EFEMP1: variants seen among roughly 807,000 people sequenced by gnomAD.
EFEMP1 encodes the protein EGF-like fibulin extracellular matrix protein 1.
In EFEMP1, 18 loss-of-function variants were observed where a neutral mutation model predicts 65.7. That is an observed-to-expected ratio of 0.27 (90% CI 0.19 to 0.41). EFEMP1 has a LOEUF of 0.41. Among genes scored for constraint, EFEMP1 ranks in the 10% least tolerant of loss-of-function variants. EFEMP1 has a pLI of 1.00. For synonymous variants in EFEMP1, 237 were observed against 219.7 expected (o/e 1.08, Z -0.70); for missense variants, 469 against 624.8 (o/e 0.75, Z 2.66).
At chr2:55,909,938 G>A (rs1670420163) in intron 5 of EFEMP1, among the ~76,000 whole-genome samples, 1 of 152,078 alleles carries the variant, frequency 6.6e-6, no homozygotes. Flanking sequence ...TCTCAAATTT[G>A]ACTGAATTCA....
chr2:55,880,224 C>T (rs1234485777), intron 6 of EFEMP1, among the ~76,000 whole-genome samples: 1 of 152,110 alleles, frequency 6.6e-6, no homozygotes, highest in Non-Finnish European at 1.5e-5. Context: ...AGACTTGATT[C>T]TCTCAGTGAG....
At chr2:55,896,187 A>G (rs978785504) in intron 5 of EFEMP1, among the ~76,000 whole-genome samples, 12 of 152,248 alleles carry the variant, frequency 7.9e-5, no homozygotes, top group African/African-American at 2.9e-4. Flanking sequence ...TCAGATAAAT[A>G]ACATTTGACG....
intron 5 of EFEMP1, among the ~76,000 whole-genome samples, chr2:55,888,574 T>C (rs1467349612): frequency 2.6e-5 from 4 of 152,024 alleles, no homozygotes; most frequent in Non-Finnish European, 4.4e-5. Context: ...CCTGACCTTG[T>C]GATTCACCCA....
intron 3 of EFEMP1, among the ~76,000 whole-genome samples, chr2:55,920,531 A>C (rs965723785): frequency 2.0e-5 from 3 of 152,262 alleles, no homozygotes; most frequent in African/African-American, 7.2e-5. Flanking sequence ...TATTATGTGG[A>C]TACGAGCCCA....
intron 3 of EFEMP1, among the ~76,000 whole-genome samples, chr2:55,920,975 T>C (rs766115607): frequency 5.3e-4 from 81 of 152,240 alleles, no homozygotes; most frequent in Non-Finnish European, 1.0e-3. Context: ...CCCTAGTTAG[T>C]GGTCTTAAAA....
intron 5 of EFEMP1, among the ~76,000 whole-genome samples, chr2:55,899,575 A>G (rs1469715145): frequency 3.9e-5 from 6 of 152,216 alleles, no homozygotes; most frequent in Non-Finnish European, 5.9e-5. Context: ...CATTATTTAA[A>G]TTATCCTTTA....
chr2:55,900,974 T>G (rs1171728662), intron 5 of EFEMP1, among the ~76,000 whole-genome samples: 1 of 152,220 alleles, frequency 6.6e-6, no homozygotes, highest in African/African-American at 2.4e-5. Context: ...GTTTTAACTC[T>G]TAAACAACCT....
At position 55,870,627 on chromosome 2, in the gene EFEMP1, C is replaced by G; in HGVS notation, c.1320+93G>C. On this transcript the variant is annotated intron_variant, in intron 11 of 11. Transcript: ENST00000355426. This position sits in a 1 kb window ranked among gnomAD's most constrained non-coding sequence, Gnocchi z 5.8. ...GACACTTTAAATGTTTGCTTTCCTT[C>G]CACATGTGGATACCACACAACAACA... 6.7e-7 allele frequency: 1 copy of G among 1,501,314 alleles called. No individual in the cohort carries two copies. The highest frequency in any genetic ancestry group is 9.2e-7 in the Non-Finnish European group (1 of 1,085,224). The allele number at this position is 1,501,314 out of a possible 1,614,324, so 93.0% of individuals were successfully genotyped here.
chr2:55,869,570 G>C (rs1172677418), intron 11 of EFEMP1, among the ~76,000 whole-genome samples: 1 of 152,056 alleles, frequency 6.6e-6, no homozygotes, highest in African/African-American at 2.4e-5. Flanking sequence ...ACATAACTCT[G>C]GAGCTATATG....
intron 6 of EFEMP1, among the ~76,000 whole-genome samples, chr2:55,880,598 C>A (rs373243284): frequency 9.7e-4 from 148 of 152,318 alleles, no homozygotes; most frequent in African/African-American, 3.5e-3. Flanking sequence ...TGAACATCAA[C>A]AGCTCACATT....
rs1558462978 is a variant in EFEMP1 at position 55,877,754 on chromosome 2, G to T, written c.752C>A (p.Thr251Asn). Residue 251 changes from threonine to asparagine, a missense_variant, in exon 7 of 12, where the codon ACC (threonine) becomes AAC (asparagine). By Grantham distance (65) the Thr-to-Asn change is moderately conservative (BLOSUM62 0). Coordinates refer to ENST00000355426, the MANE Select transcript of EFEMP1 (RefSeq NM_001039348.3). This position sits in a 1 kb window ranked among gnomAD's most constrained non-coding sequence, Gnocchi z 4.5. The stretch of plus-strand genomic sequence containing the variant: ...GTTCTCAAAAGGCTTACCTACGCAG[G>T]TATAGTTGTTTGCTGCCAATTGAAA... ...PGFQLAANNY[T>N]CVDINECDAS... 6.2e-7 allele frequency: 1 copy of T among 1,613,058 alleles called. No individual in the cohort carries two copies. Among genetic ancestry groups the T allele is most frequent in the Non-Finnish European group, 8.5e-7 (1 of 1,179,270 alleles).
chr2:55,916,200 C>T (rs1046730280), intron 5 of EFEMP1, among the ~76,000 whole-genome samples: 1 of 151,108 alleles, frequency 6.6e-6, no homozygotes, highest in Non-Finnish European at 1.5e-5. Flanking sequence ...ACCTTCACCT[C>T]CCAGGTTCAA....
chr2:55,916,223 C>T (rs1346315096), intron 5 of EFEMP1, among the ~76,000 whole-genome samples: 1 of 151,542 alleles, frequency 6.6e-6, no homozygotes, highest in Non-Finnish European at 1.5e-5. Context: ...AATTCTCCTG[C>T]TTCAGCCTCT....
intron 5 of EFEMP1, among the ~76,000 whole-genome samples, chr2:55,913,026 A>C (rs1280387087): frequency 6.6e-6 from 1 of 152,202 alleles, no homozygotes; most frequent in Non-Finnish European, 1.5e-5. Flanking sequence ...GCAAAGAAAG[A>C]CTCTGTCCAA....
At chr2:55,898,296 C>G (rs1254195899) in intron 5 of EFEMP1, among the ~76,000 whole-genome samples, 1 of 152,144 alleles carries the variant, frequency 6.6e-6, no homozygotes, top group East Asian at 1.9e-4. Context: ...ATATTAGAAA[C>G]AAACTGTTCA....
chr2:55,906,020 C>G (rs1338173179), intron 5 of EFEMP1, among the ~76,000 whole-genome samples: 1 of 152,080 alleles, frequency 6.6e-6, no homozygotes, highest in Admixed American at 6.5e-5. Flanking sequence ...AATAGTTTTG[C>G]TATTTAACAT....
intron 9 of EFEMP1, 51 bp downstream of exon 9, chr2:55,874,895 C>G (rs763424980): frequency 6.4e-7 from 1 of 1,558,672 alleles, no homozygotes; most frequent in South Asian, 1.1e-5. Flanking sequence ...CCTCTTGTCT[C>G]TTCCTGGCTA....
In EFEMP1 at chr2:55,918,238, A is replaced by C; in HGVS notation, c.111T>G (p.Pro37=). 1 of 1,614,226 alleles carries C rather than the reference A, an allele frequency of 6.2e-7. No homozygotes were observed. Among genetic ancestry groups the C allele is most frequent in the Non-Finnish European group, 8.5e-7 (1 of 1,180,030 alleles). Residue 37 remains proline (P), a synonymous_variant, in exon 4 of 12, where the codon CCT becomes CCG. Transcript: ENST00000355426. ...GCTCACCTTTGCATTGCTGTCTCACAGGATCCCACTCATATCCGTCAGTGC... is the reference window on the plus strand; with the variant it reads ...GCTCACCTTTGCATTGCTGTCTCACCGGATCCCACTCATATCCGTCAGTGC... ...TQCTDGYEWD[P]VRQQCKDIDE...
Position 55,871,206 on chromosome 2 carries a change from T to C in EFEMP1, c.1001-83A>G. 6.3e-7 allele frequency: 1 copy of C among 1,594,030 alleles called. No individual in the cohort carries two copies. Among genetic ancestry groups the C allele is most frequent in the Non-Finnish European group, 8.6e-7 (1 of 1,169,460 alleles). On this transcript the variant is annotated intron_variant, in intron 9 of 11. Transcript: ENST00000355426. The surrounding 1 kb of genome is among the most constrained non-coding windows in gnomAD (Gnocchi z 4.2). The stretch of plus-strand genomic sequence containing the variant: ...AATCATATAACTGGCAGATTCTGTT[T>C]GCAAGGAAGGAGGTGTGAGAGCATC...
Sources: allele counts gnomAD v4.1 joint callset (sites outside exome capture counted in the v4.1 genomes callset), GRCh38; gene constraint gnomAD v4.1.1; non-coding constraint Gnocchi (gnomAD v3.1); transcripts MANE v1.5; gene names NCBI Gene and HGNC (gene_info 2026-07-23, HGNC 2026-07-21).